Variants in USP15 observed in about 807,000 individuals in gnomAD.
USP15 encodes the protein ubiquitin carboxyl-terminal hydrolase 15.
USP15 carries 18 observed loss-of-function variants against 127.1 expected under a neutral mutation model. The ratio of observed to expected loss-of-function variants is 0.14; its 90% CI spans 0.10 to 0.21. The LOEUF is 0.21. Among genes scored for constraint, USP15 ranks in the 10% least tolerant of loss-of-function variants. The pLI, the probability that USP15 is intolerant of heterozygous loss-of-function variation, is 1.00. For synonymous variants in USP15, 364 were observed against 393.7 expected (o/e 0.92, Z 0.89); for missense variants, 805 against 1,159.9 (o/e 0.69, Z 4.44).
chr12:62,313,868 C>T (rs551191161), intron 3 of USP15: 1 of 170,314 alleles, frequency 5.9e-6, no homozygotes, highest in African/African-American at 2.4e-5. Context: ...CAGTGAAAGA[C>T]AAGTTTGTAA....
At position 62,384,156 on chromosome 12, in the gene USP15, A is replaced by T; in HGVS notation, c.1327A>T (p.Lys443Ter). Residue 443 changes from lysine (K) to a stop codon, truncating the protein, a stop_gained, in exon 11 of 22, where the codon AAA (lysine) becomes TAA (stop). Coordinates refer to ENST00000280377, the MANE Select transcript of USP15 (RefSeq NM_001252078.2). LOFTEE classifies it high-confidence loss of function. ...AGTAGATATATTTCATGGCCTTTTC[A>T]AATCAACTTTAGTTTGTCCTGAGTG... ...IIVDIFHGLFKSTLVCPECAK... is the reference protein window; with the variant it reads ...IIVDIFHGLF 6.2e-7 allele frequency: 1 copy of T among 1,613,030 alleles called. No individual in the cohort carries two copies. Among genetic ancestry groups the T allele is most frequent in the Non-Finnish European group, 8.5e-7 (1 of 1,179,292 alleles).
chr12:62,337,837 T>G (rs967138716), intron 6 of USP15, among the ~76,000 whole-genome samples: 1 of 152,202 alleles, frequency 6.6e-6, no homozygotes, highest in Admixed American at 6.5e-5. Flanking sequence ...CTGCATAGTA[T>G]TCCATGGTGT....
intron 8 of USP15, among the ~76,000 whole-genome samples, chr12:62,368,824 T>C (rs904957926): frequency 6.6e-6 from 1 of 152,242 alleles, no homozygotes; most frequent in Non-Finnish European, 1.5e-5. Flanking sequence ...ATATTTGTTA[T>C]GTGTGAATTT....
chr12:62,279,027 A>G (rs1285786437), intron 1 of USP15: 1 of 152,178 alleles, frequency 6.6e-6, no homozygotes. Flanking sequence ...AATACTTAAC[A>G]TGAGCGCTGC....
chr12:62,395,437 G>A (rs2067455901), intron 19 of USP15, among the ~76,000 whole-genome samples: 1 of 152,054 alleles, frequency 6.6e-6, no homozygotes. Flanking sequence ...GATGGAGTGT[G>A]AAATAGTCAC....
intron 2 of USP15, among the ~76,000 whole-genome samples, chr12:62,295,138 C>A (rs999137707): frequency 3.3e-5 from 5 of 152,110 alleles, no homozygotes; most frequent in African/African-American, 9.7e-5. Flanking sequence ...GACCTAGACC[C>A]CCCCCCATAG....
At chr12:62,294,121 G>A in intron 1 of USP15, 58 bp from the exon 2 acceptor site, 20 of 1,560,320 alleles carry the variant, frequency 1.3e-5, no homozygotes, top group Non-Finnish European at 1.7e-5. Context: ...ATAGATGGCT[G>A]TTCTACTGTT....
At position 62,267,117 on chromosome 12, in the gene USP15, T is replaced by C. The variant is rs564646701; in HGVS notation, c.89+6614T>C. On this transcript the variant is annotated intron_variant, in intron 1 of 21. Coordinates refer to ENST00000280377, the MANE Select transcript of USP15 (RefSeq NM_001252078.2). ...ATTTTTCAACAATTACTAAATACTT[T>C]TTTTCTTCCCTGAGTAATGTCAGTC... The C allele has an allele frequency of 4.6e-5, 7 of 152,264 alleles. No homozygotes were observed. The South Asian group carries it at 1.5e-3, about 32-fold the overall frequency. 9.4% of individuals were successfully genotyped at this position (152,264 alleles called of 1,614,324 possible).
chr12:62,308,345 C>T (rs1448148657), intron 3 of USP15, among the ~76,000 whole-genome samples: 3 of 151,978 alleles, frequency 2.0e-5, no homozygotes, highest in Non-Finnish European at 4.4e-5. Flanking sequence ...TGATTGTGAC[C>T]TCTTAGAATC....
intron 6 of USP15, among the ~76,000 whole-genome samples, chr12:62,339,001 G>A (rs557336): frequency 8.9e-4 from 136 of 152,212 alleles, no homozygotes; most frequent in Non-Finnish European, 1.7e-3. Flanking sequence ...TTCTAATTCT[G>A]TGAAGAATGT....
At chr12:62,295,494 A>G (rs1565827366) in intron 2 of USP15, among the ~76,000 whole-genome samples, 1 of 152,230 alleles carries the variant, frequency 6.6e-6, no homozygotes, top group Non-Finnish European at 1.5e-5. Flanking sequence ...AATGGCTTGG[A>G]TCTGACCAAA....
chr12:62,374,495 A>G (rs1021984310), intron 8 of USP15: 15 of 985,608 alleles, frequency 1.5e-5, no homozygotes, highest in African/African-American at 1.7e-5. Context: ...ACAAAAGACA[A>G]CTTTCTCTTT....
intron 8 of USP15, among the ~76,000 whole-genome samples, chr12:62,368,568 T>G (rs866028088): frequency 9.9e-5 from 15 of 152,240 alleles, no homozygotes; most frequent in African/African-American, 2.9e-4. Flanking sequence ...TGTAATGCCC[T>G]TCTTTGTCTC....
chr12:62,389,829 C>A lies in USP15; in HGVS notation c.1685C>A (p.Thr562Lys), dbSNP rs1358085468. Reference protein sequence around the residue: ...FEININRTEDTEHVIIPVCLR... With the variant: ...FEININRTEDKEHVIIPVCLR... ...ATTAACATCAATAGGACAGAAGATACAGAGCACGTGATTATTCCTGTTTGC... is the reference window on the plus strand; with the variant it reads ...ATTAACATCAATAGGACAGAAGATAAAGAGCACGTGATTATTCCTGTTTGC... Residue 562 changes from threonine (T) to lysine (K), a missense_variant, in exon 14 of 22, where the codon ACA becomes AAA. This residue lies in a region of USP15 where 82 missense variants were observed against 104.4 expected (regional missense o/e 0.79). Coordinates refer to ENST00000280377, the MANE Select transcript of USP15 (RefSeq NM_001252078.2). 1.2e-6 allele frequency: 2 copies of A among 1,613,208 alleles called. No homozygotes were observed. Among genetic ancestry groups the A allele is most frequent in the Non-Finnish European group, 8.5e-7 (1 of 1,179,614 alleles).
intron 2 of USP15, among the ~76,000 whole-genome samples, chr12:62,300,734 TG>T (rs1461035915): frequency 6.6e-6 from 1 of 152,166 alleles, no homozygotes; most frequent in Admixed American, 6.5e-5. Flanking sequence ...GATGCATACA[TG>T]GCACTGTATA....
rs983110825 is a variant in USP15 at position 62,353,108 on chromosome 12, A to G, written c.771-2223A>G. Among the ~76,000 whole-genome samples the G allele has an allele frequency of 6.5e-4, 99 of 152,112 alleles. 1 individual carries two copies. Among genetic ancestry groups the G allele is most frequent in the African/African-American group, 2.3e-3 (96 of 41,558 alleles). On this transcript the variant is annotated intron_variant, in intron 7 of 21. Transcript: ENST00000280377. ...GATATTTTCCATGACAAGCCTTAAT[A>G]TTTCATTTAGAGCACACATAATATG...
At position 62,415,203 on chromosome 12, in the gene USP15, G is replaced by A. The variant is rs1421137241; in HGVS notation, c.*10828G>A. 2 of 152,164 alleles carry A rather than the reference G, an allele frequency of 1.3e-5. No individual in the cohort carries two copies. The highest frequency in any genetic ancestry group is 4.8e-5 in the African/African-American group (2 of 41,426). The allele number at this position is 152,164 out of a possible 1,614,324, so 9.4% of individuals were successfully genotyped here. A position where few individuals can be genotyped will look rare whatever the true frequency, so the allele number is the denominator to read the frequency against. On this transcript the variant is annotated 3_prime_UTR_variant, in exon 22 of 22. Coordinates refer to ENST00000280377, the MANE Select transcript of USP15 (RefSeq NM_001252078.2). ...CACAAGCTACCTGGCTAAAGACCCA[G>A]GAAGACTGAATGTTTCAGTTTTAGT...
Position 62,355,315 on chromosome 12 carries a change from ATTT to A in USP15, c.771-10_771-8del. On this transcript the variant is annotated splice_polypyrimidine_tract_variant and intron_variant, in intron 7 of 21. Transcript: ENST00000280377. ...TAATATAATTGGCTGCATTATGAAA[ATTT>A]TTTTTCTTCCAGTGTGAAAAACTCA... 6.4e-7 allele frequency: 1 copy of A among 1,572,788 alleles called. No individual in the cohort carries two copies. The highest frequency in any genetic ancestry group is 8.6e-7 in the Non-Finnish European group (1 of 1,161,438).
intron 6 of USP15, chr12:62,335,081 C>T: frequency 7.1e-7 from 1 of 1,414,496 alleles, no homozygotes; most frequent in Non-Finnish European, 9.6e-7. Context: ...CCCAAACTGG[C>T]CAAAATTAGT....
Sources: gnomAD v4.1 joint callset for allele counts (sites outside exome capture counted in the v4.1 genomes callset) on GRCh38, gnomAD v4.1.1 for gene constraint, gnomAD v4.1.1 regional missense constraint, MANE v1.5 for transcripts, NCBI Gene and HGNC (gene_info 2026-07-23, HGNC 2026-07-21) for gene names.